Variants in EGF observed in about 807,000 individuals in gnomAD.
EGF encodes epidermal growth factor.
In EGF, 95 loss-of-function variants were observed where a neutral mutation model predicts 143.8. The observed-to-expected ratio is 0.66, with a 90% confidence interval of 0.56 to 0.78. The LOEUF (loss-of-function observed/expected upper bound fraction) is 0.78. Ranked by LOEUF, EGF falls within the 30% of genes least tolerant of loss-of-function variation. EGF has a pLI of 0.00. For missense variants in EGF, 1,320 were observed against 1,470.9 expected (o/e 0.90, Z 1.68); for synonymous variants, 510 against 510.5 (o/e 1.00, Z 0.01).
chr4:109,974,440 C>T (rs1748159315), intron 11 of EGF, among the ~76,000 whole-genome samples: 2 of 152,062 alleles, frequency 1.3e-5, no homozygotes, highest in Admixed American at 1.3e-4. Flanking sequence ...TTACCTTGTC[C>T]TGTCATTGTG....
intron 5 of EGF, among the ~76,000 whole-genome samples, chr4:109,951,409 T>TAAATAATATAATAATATAATA (rs1743907905): frequency 1.3e-5 from 2 of 152,070 alleles, no homozygotes; most frequent in Admixed American, 6.6e-5. Context: ...TTTGGCACTC[T>TAAATAATATAATAATATAATA]ATCTCCTAAA....
chr4:109,999,606 A>C, intron 20 of EGF, 73 bp from the exon 21 acceptor site: 1 of 1,587,140 alleles, frequency 6.3e-7, no homozygotes, highest in Non-Finnish European at 8.7e-7. Context: ...GAGACAGCTG[A>C]ATACTGAGTG....
intron 3 of EGF, 79 bp from the exon 4 acceptor site, chr4:109,943,763 C>A: frequency 8.2e-7 from 1 of 1,221,384 alleles, no homozygotes; most frequent in Non-Finnish European, 1.2e-6. Flanking sequence ...TGTGAAGGAG[C>A]TGCTGAAACA....
intron 11 of EGF, among the ~76,000 whole-genome samples, chr4:109,972,976 T>C (rs1008003747): frequency 1.2e-4 from 18 of 152,146 alleles, no homozygotes; most frequent in Admixed American, 2.0e-4. Flanking sequence ...AAGAGCAAGG[T>C]GAGAGGCCTT....
intron 20 of EGF, among the ~76,000 whole-genome samples, chr4:109,996,219 A>G (rs1751773736): frequency 1.3e-5 from 2 of 152,218 alleles, no homozygotes; most frequent in Non-Finnish European, 2.9e-5. Context: ...ATTTAGAACA[A>G]TGTTTTCATT....
chr4:109,992,170 TAAAAA>T (rs58841408), intron 18 of EGF, among the ~76,000 whole-genome samples: 3 of 65,634 alleles, frequency 4.6e-5, no homozygotes, highest in South Asian at 1.5e-3. Context: ...CAAGATTCTT[TAAAAA>T]AAAAAAAAAA....
intron 5 of EGF, among the ~76,000 whole-genome samples, chr4:109,948,230 C>G (rs528937557): frequency 2.0e-5 from 3 of 152,336 alleles, no homozygotes; most frequent in Non-Finnish European, 2.9e-5. Context: ...GAGATTGGCT[C>G]CAGTTACTGA....
At chr4:109,918,888 C>G (rs1164214868) in intron 1 of EGF, among the ~76,000 whole-genome samples, 1 of 152,164 alleles carries the variant, frequency 6.6e-6, no homozygotes, top group Non-Finnish European at 1.5e-5. Flanking sequence ...CCAGACATCT[C>G]TTTTTCTTGG....
chr4:109,966,380 A>G (rs1746593571), intron 10 of EGF, among the ~76,000 whole-genome samples: 2 of 152,040 alleles, frequency 1.3e-5, no homozygotes, highest in Admixed American at 1.3e-4. Context: ...CAATGATTTC[A>G]TTCTTTTTTA....
At chr4:109,945,410 A>G in intron 5 of EGF, 135 bp downstream of exon 5, 1 of 763,154 alleles carries the variant, frequency 1.3e-6, no homozygotes, top group Non-Finnish European at 2.3e-6. Context: ...GTCATAATAG[A>G]CCCCTGTAAG....
chr4:110,003,050 T>C (rs1325773637), intron 21 of EGF, among the ~76,000 whole-genome samples: 1 of 152,226 alleles, frequency 6.6e-6, no homozygotes, highest in Non-Finnish European at 1.5e-5. Flanking sequence ...ATATTTTCTT[T>C]ATCCAGTCTG....
chr4:109,929,307 C>G lies in EGF; in HGVS notation c.128-11639C>G, dbSNP rs11568864. 2.2e-3 allele frequency among the ~76,000 whole-genome samples: 332 copies of G among 152,264 alleles called. 1 individual carries two copies. Among genetic ancestry groups the G allele is most frequent in the African/African-American group, 7.5e-3 (313 of 41,550 alleles). On this transcript the variant is annotated intron_variant, in intron 1 of 23. Transcript: ENST00000265171. Reference sequence around the variant, plus strand: ...TGGCAAGTTAACTGCTTGAAACTTTCCTTTCTTCTTCTGTAAAATAGAGAT... The same window carrying G: ...TGGCAAGTTAACTGCTTGAAACTTTGCTTTCTTCTTCTGTAAAATAGAGAT...
At chr4:109,918,641 C>T (rs551785841) in intron 1 of EGF, among the ~76,000 whole-genome samples, 30 of 152,232 alleles carry the variant, frequency 2.0e-4, no homozygotes, top group African/African-American at 6.5e-4. Flanking sequence ...TGTACTGTCC[C>T]TTTCCCATAC....
intron 1 of EGF, among the ~76,000 whole-genome samples, chr4:109,922,710 C>A (rs907888574): frequency 1.3e-5 from 2 of 151,598 alleles, no homozygotes; most frequent in Non-Finnish European, 2.9e-5. Flanking sequence ...CTTTGGTCAA[C>A]GCCCTATGTC....
chr4:109,931,439 C>CTGGG (rs1459425428), intron 1 of EGF, among the ~76,000 whole-genome samples: 2 of 152,162 alleles, frequency 1.3e-5, no homozygotes, highest in Admixed American at 6.5e-5. Context: ...ATTGTAATAT[C>CTGGG]TTGACATGTG....
intron 7 of EGF, among the ~76,000 whole-genome samples, chr4:109,961,465 T>A (rs1303983847): frequency 6.6e-6 from 1 of 152,236 alleles, no homozygotes; most frequent in African/African-American, 2.4e-5. Context: ...TTATAGGTAT[T>A]TTCCTGTTTC....
intron 11 of EGF, among the ~76,000 whole-genome samples, chr4:109,970,824 C>CAAA (rs371512157): frequency 2.6e-4 from 19 of 72,736 alleles, no homozygotes; most frequent in East Asian, 1.0e-3. Context: ...GACTCCGTCT[C>CAAA]AAAAAAAAAA....
chr4:109,963,349 A>G (rs775591256), intron 9 of EGF, 51 bp downstream of exon 9: 1 of 1,612,648 alleles, frequency 6.2e-7, no homozygotes, highest in Non-Finnish European at 8.5e-7. Context: ...AATTCATGAA[A>G]ATCTTTTGTT....
chr4:109,999,561 T>G, intron 20 of EGF, 118 bp from the exon 21 acceptor site: 2 of 1,325,818 alleles, frequency 1.5e-6, no homozygotes, highest in Non-Finnish European at 2.2e-6. Context: ...TTCTATATGT[T>G]TCTAAAGAGC....
Sources: gnomAD v4.1 joint callset for allele counts (sites outside exome capture counted in the v4.1 genomes callset) on GRCh38, gnomAD v4.1.1 for gene constraint, MANE v1.5 for transcripts, NCBI Gene and HGNC (gene_info 2026-07-23, HGNC 2026-07-21) for gene names.